Variants in NRXN3 observed in about 807,000 individuals in gnomAD.
NRXN3 encodes the protein neurexin 3.
Under a neutral mutation model 137.6 loss-of-function variants are expected in NRXN3, and 32 were observed. The ratio of observed to expected loss-of-function variants is 0.23; its 90% CI spans 0.18 to 0.31. The LOEUF (loss-of-function observed/expected upper bound fraction) is 0.31, where lower values mean the gene tolerates loss of function less well. NRXN3 is among the 10% of genes least tolerant of loss of function. NRXN3 has a pLI of 1.00. For missense variants in NRXN3, 1,574 were observed against 2,062.5 expected (o/e 0.76, Z 4.59); for synonymous variants, 798 against 784.5 (o/e 1.02, Z -0.29).
At chr14:79,799,999 C>T (rs1057440748) in intron 19 of NRXN3, among the ~76,000 whole-genome samples, 3 of 152,020 alleles carry the variant, frequency 2.0e-5, no homozygotes, top group African/African-American at 4.8e-5. Context: ...TGACATATAC[C>T]ACTGACAGTA....
In NRXN3 at chr14:79,045,278, C is replaced by A. The variant is rs149639589; in HGVS notation, c.3262+57137C>A. On this transcript the variant is annotated intron_variant, in intron 15 of 20. Coordinates refer to ENST00000335750, the MANE Select transcript of NRXN3 (RefSeq NM_001330195.2). ...GCTCCCCATTCAGCTCCTCAACAATCGGCAATCACTCTGCCCTTCTGCTCC... is the reference window on the plus strand; with the variant it reads ...GCTCCCCATTCAGCTCCTCAACAATAGGCAATCACTCTGCCCTTCTGCTCC... Among the ~76,000 whole-genome samples the A allele has an allele frequency of 5.9e-5, 9 of 152,238 alleles. No individual in the cohort carries two copies. In the South Asian group the frequency reaches 1.9e-3, roughly 32 times the overall value.
In NRXN3 at chr14:79,352,710, C is replaced by T. The variant is rs2093268433; in HGVS notation, c.3263-114511C>T. ...ACAGCTAAGATATGTCTGATGCTAA[C>T]TCTGATCCATGAACTCTTCTAAGTG... is the stretch of plus-strand genomic sequence containing the variant. On this transcript the variant is annotated intron_variant, in intron 15 of 20. Coordinates refer to ENST00000335750, the MANE Select transcript of NRXN3 (RefSeq NM_001330195.2). Among the ~76,000 whole-genome samples, 5 of 152,266 alleles carry T rather than the reference C, an allele frequency of 3.3e-5. No homozygotes were observed. In the South Asian group the frequency reaches 8.3e-4, roughly 25 times the overall value.
chr14:78,731,847 A>G (rs2098517329), intron 8 of NRXN3, among the ~76,000 whole-genome samples: 1 of 136,830 alleles, frequency 7.3e-6, no homozygotes, highest in South Asian at 2.3e-4. Context: ...TCAGTGTTAT[A>G]TGATCTTTGT....
intron 15 of NRXN3, among the ~76,000 whole-genome samples, chr14:79,416,677 A>C (rs1439479399): frequency 6.6e-6 from 1 of 152,154 alleles, no homozygotes; most frequent in Admixed American, 6.6e-5. Flanking sequence ...CTTCATCCAC[A>C]CAGCTTAGAC....
At chr14:79,047,333 G>T (rs1303396791) in intron 15 of NRXN3, among the ~76,000 whole-genome samples, 1 of 152,020 alleles carries the variant, frequency 6.6e-6, no homozygotes, top group Non-Finnish European at 1.5e-5. Context: ...AAATTATAAA[G>T]CTTCTAGGAG....
intron 19 of NRXN3, among the ~76,000 whole-genome samples, chr14:79,736,099 C>T (rs1171860068): frequency 1.3e-5 from 2 of 152,106 alleles, no homozygotes; most frequent in South Asian, 2.1e-4. Context: ...CCCATCAGAC[C>T]AGGATTTCAG....
intron 20 of NRXN3, among the ~76,000 whole-genome samples, chr14:79,842,679 A>C (rs2141486046): frequency 6.6e-6 from 1 of 152,326 alleles, no homozygotes; most frequent in Non-Finnish European, 1.5e-5. Flanking sequence ...TATATAGTAA[A>C]ATAGTCACCA....
intron 15 of NRXN3, among the ~76,000 whole-genome samples, chr14:79,172,192 G>GA (rs5809925): frequency 0.62 from 92,033 of 147,718 alleles, 31,299 homozygotes; most frequent in Non-Finnish European, 0.76. Flanking sequence ...ACTTGCTAGG[G>GA]AAAAAAAAAA....
At chr14:78,871,601 T>C (rs1047651015) in intron 10 of NRXN3, among the ~76,000 whole-genome samples, 14 of 152,104 alleles carry the variant, frequency 9.2e-5, no homozygotes, top group Non-Finnish European at 1.9e-4. Flanking sequence ...TGTGGATTGA[T>C]TTGTATCCTT....
rs984377698 is a variant in NRXN3 at position 79,867,445 on chromosome 14, C to A, written c.*5481C>A. On this transcript the variant is annotated 3_prime_UTR_variant, in exon 21 of 21. Transcript: ENST00000335750. ...GCTTGTAGATAATAAGCTACCTTCT[C>A]ACTATGTACTCACAGGGCCTTTCTT... 1.3e-5 allele frequency: 2 copies of A among 152,204 alleles called. No individual in the cohort carries two copies. The highest frequency in any genetic ancestry group is 2.4e-5 in the African/African-American group (1 of 41,440). 9.4% of individuals were successfully genotyped at this position (152,204 alleles called of 1,614,324 possible). A position where few individuals can be genotyped will look rare whatever the true frequency, so the allele number is the denominator to read the frequency against.
At chr14:79,584,339 C>A (rs76458584) in intron 16 of NRXN3, among the ~76,000 whole-genome samples, 10,754 of 152,152 alleles carry the variant, frequency 0.071, 411 homozygotes, top group Middle Eastern at 0.13. Flanking sequence ...CTAAGAGTAT[C>A]CCAGAGATTG....
At chr14:78,180,451 A>T (rs1429263105) in intron 1 of NRXN3, among the ~76,000 whole-genome samples, 1 of 152,266 alleles carries the variant, frequency 6.6e-6, no homozygotes, top group Admixed American at 6.5e-5. Context: ...AGTGCTTTGC[A>T]TATGAAGTTG....
In NRXN3 at chr14:79,117,574, G is replaced by A. The variant is rs535060850; in HGVS notation, c.3262+129433G>A. Reference sequence around the variant, plus strand: ...CTGAGGTATGCCCCCCAAAATGTCAGTAGCAATAAATTTGTAAGAACATTT... The same window carrying A: ...CTGAGGTATGCCCCCCAAAATGTCAATAGCAATAAATTTGTAAGAACATTT... On this transcript the variant is annotated intron_variant, in intron 15 of 20. Transcript: ENST00000335750. Among the ~76,000 whole-genome samples, 3 of 152,220 alleles carry A rather than the reference G, an allele frequency of 2.0e-5. 1 individual carries two copies. The South Asian group carries it at 6.2e-4, about 32-fold the overall frequency.
intron 6 of NRXN3, among the ~76,000 whole-genome samples, chr14:78,693,069 C>T (rs754227635): frequency 3.9e-5 from 6 of 151,970 alleles, no homozygotes; most frequent in East Asian, 1.9e-4. Context: ...GGCAACAGAG[C>T]GAGACTCCAT....
intron 20 of NRXN3, chr14:79,823,943 A>C (rs556220734): frequency 2.0e-5 from 9 of 444,908 alleles, no homozygotes; most frequent in Non-Finnish European, 3.7e-5. Flanking sequence ...ATGCAGCAGC[A>C]GTGGGCACAA....
intron 15 of NRXN3, among the ~76,000 whole-genome samples, chr14:79,107,940 G>A (rs2052748100): frequency 6.6e-6 from 1 of 152,114 alleles, no homozygotes; most frequent in Non-Finnish European, 1.5e-5. Flanking sequence ...ATATAAATGT[G>A]CCAAAGGAAA....
At chr14:78,426,900 C>T (rs1360388471) in intron 4 of NRXN3, among the ~76,000 whole-genome samples, 1 of 152,096 alleles carries the variant, frequency 6.6e-6, no homozygotes, top group African/African-American at 2.4e-5. Flanking sequence ...AGAGATCCTG[C>T]CCAAACCAGA....
chr14:79,649,267 T>G (rs2098464704), intron 16 of NRXN3, among the ~76,000 whole-genome samples: 1 of 152,154 alleles, frequency 6.6e-6, no homozygotes, highest in Non-Finnish European at 1.5e-5. Flanking sequence ...CTTCCCTGAC[T>G]GCCTGTGAGC....
chr14:79,445,245 C>T lies in NRXN3; in HGVS notation c.3263-21976C>T, dbSNP rs1002178328. On this transcript the variant is annotated intron_variant, in intron 15 of 20. Coordinates refer to ENST00000335750, the MANE Select transcript of NRXN3 (RefSeq NM_001330195.2). ...GTCCCAGCTACTCGGGAGGCTGAGG[C>T]AGGAGAATCACTTGAACCCGGGAGT... 2.0e-5 allele frequency among the ~76,000 whole-genome samples: 3 copies of T among 151,200 alleles called. No individual in the cohort carries two copies. In the East Asian group the frequency reaches 5.9e-4, roughly 30 times the overall value.
Sources: gnomAD v4.1 joint callset for allele counts (sites outside exome capture counted in the v4.1 genomes callset) on GRCh38, gnomAD v4.1.1 for gene constraint, MANE v1.5 for transcripts, NCBI Gene and HGNC (gene_info 2026-07-23, HGNC 2026-07-21) for gene names.